Variants in ZNF652 observed in about 807,000 individuals in gnomAD.
ZNF652 encodes the protein zinc finger protein 652.
Under a neutral mutation model 45.2 loss-of-function variants are expected in ZNF652, and 16 were observed. The ratio of observed to expected loss-of-function variants is 0.35; its 90% CI spans 0.24 to 0.54. ZNF652 has a LOEUF of 0.54. Ranked by LOEUF, ZNF652 falls within the 20% of genes least tolerant of loss-of-function variation. The pLI is 0.91. For synonymous variants in ZNF652, 250 were observed against 260.6 expected, an observed-to-expected ratio of 0.96 and a Z score of 0.39; for missense variants, 614 against 765.6, an observed-to-expected ratio of 0.80 and a Z score of 2.34.
chr17:49,319,094 TAA>T (rs10551912), intron 1 of ZNF652, among the ~76,000 whole-genome samples: 2,370 of 152,250 alleles, frequency 0.016, 62 homozygotes, highest in African/African-American at 0.054. Flanking sequence ...TATTAATTTT[TAA>T]AAAGCTTAGA....
At chr17:49,358,776 T>C (rs1410547289) in intron 1 of ZNF652, among the ~76,000 whole-genome samples, 3 of 152,232 alleles carry the variant, frequency 2.0e-5, no homozygotes, top group Non-Finnish European at 4.4e-5. Flanking sequence ...AATCAGATCT[T>C]GAGACCACAG....
intron 1 of ZNF652, among the ~76,000 whole-genome samples, chr17:49,350,970 CAT>C (rs372720324): frequency 0.011 from 452 of 42,092 alleles, 1 homozygote; most frequent in Non-Finnish European, 0.015. Flanking sequence ...ACTCTGTCTA[CAT>C]ATATATATAT....
At position 49,290,004 on chromosome 17, in the gene ZNF652, T is replaced by C. The variant is rs1359175243; in HGVS notation, c.*8409A>G. On this transcript the variant is annotated 3_prime_UTR_variant, in exon 6 of 6. Coordinates refer to ENST00000430262, the MANE Select transcript of ZNF652 (RefSeq NM_001145365.3). ...AAGAAATGAGGAAAAGTGCAAGTGA[T>C]CTCAGTACTGTTGGGGAAAACAAAA... is the stretch of plus-strand genomic sequence containing the variant. 6.6e-6 allele frequency: 1 copy of C among 152,232 alleles called. No individual in the cohort carries two copies. Among genetic ancestry groups the C allele is most frequent in the Non-Finnish European group, 1.5e-5 (1 of 68,046 alleles). 9.4% of individuals were successfully genotyped at this position (152,232 alleles called of 1,614,324 possible).
intron 1 of ZNF652, among the ~76,000 whole-genome samples, chr17:49,327,765 ATATATATATATATATTTTTTTTT>A (rs1259893960): frequency 8.0e-4 from 4 of 4,988 alleles, no homozygotes; most frequent in African/African-American, 4.5e-3. Context: ...ATATATATAT[ATATATATATATATATTTTTTTTT>A]TTTTTTTTTA....
chr17:49,351,926 G>A (rs2070286941), intron 1 of ZNF652, among the ~76,000 whole-genome samples: 1 of 152,104 alleles, frequency 6.6e-6, no homozygotes, highest in Non-Finnish European at 1.5e-5. Context: ...GTTCAAGGCT[G>A]CAGTGAGTTA....
chr17:49,313,155 C>G (rs1401494296), intron 2 of ZNF652, among the ~76,000 whole-genome samples: 1 of 152,114 alleles, frequency 6.6e-6, no homozygotes, highest in African/African-American at 2.4e-5. Context: ...AAAGAAACTT[C>G]AAGTTTGTTT....
downstream of ZNF652, chr17:49,288,454 CA>C: frequency 6.6e-6 from 1 of 152,136 alleles, no homozygotes; most frequent in Admixed American, 6.6e-5. Flanking sequence ...TTAGAAGGAA[CA>C]AAATCAGGTG....
At chr17:49,334,743 C>A (rs1215812493) in intron 1 of ZNF652, among the ~76,000 whole-genome samples, 1 of 149,432 alleles carries the variant, frequency 6.7e-6, no homozygotes, top group Non-Finnish European at 1.5e-5. Context: ...CTTGCCACTG[C>A]ACTCCAGCTT....
At chr17:49,339,310 CT>C (rs36110074) in intron 1 of ZNF652, among the ~76,000 whole-genome samples, 42,500 of 109,874 alleles carry the variant, frequency 0.39, 6,791 homozygotes, top group East Asian at 0.45. Flanking sequence ...TCAAGTGATT[CT>C]TTTTTTTTTT....
At chr17:49,310,719 T>A (rs950946508) in intron 5 of ZNF652, among the ~76,000 whole-genome samples, 1 of 152,092 alleles carries the variant, frequency 6.6e-6, no homozygotes, top group Non-Finnish European at 1.5e-5. Context: ...CTGGGCAACA[T>A]GGTGAAACCC....
intron 1 of ZNF652, among the ~76,000 whole-genome samples, chr17:49,354,606 G>A (rs1196015619): frequency 7.4e-6 from 1 of 134,564 alleles, no homozygotes; most frequent in Admixed American, 7.5e-5. Flanking sequence ...GCAAGACTCC[G>A]CCTCAAAAAA....
At chr17:49,311,833 T>C in intron 4 of ZNF652, 94 bp downstream of exon 4, 3 of 1,042,406 alleles carry the variant, frequency 2.9e-6, no homozygotes, top group Non-Finnish European at 4.3e-6. Flanking sequence ...GGCAGCCTTG[T>C]GCCTCCTGCT....
intron 1 of ZNF652, among the ~76,000 whole-genome samples, chr17:49,351,044 C>CACACAA (rs1555552839): frequency 1.6e-5 from 2 of 126,104 alleles, no homozygotes; most frequent in African/African-American, 6.2e-5. Context: ...CACACACACA[C>CACACAA]ACACACACAC....
chr17:49,289,269 T>C lies in ZNF652; in HGVS notation c.*9144A>G, dbSNP rs146950635. 2.0e-5 allele frequency: 3 copies of C among 149,538 alleles called. No homozygotes were observed. The highest frequency in any genetic ancestry group is 4.4e-5 in the Non-Finnish European group (3 of 67,492). 9.3% of individuals were successfully genotyped at this position (149,538 alleles called of 1,614,324 possible). On this transcript the variant is annotated 3_prime_UTR_variant, in exon 6 of 6. Coordinates refer to ENST00000430262, the MANE Select transcript of ZNF652 (RefSeq NM_001145365.3). Reference sequence around the variant, plus strand: ...AGCATTAAGTTGGTTACCGTACACATCCAAAGGCCCAGCATCTCAGAAAAA... The same window carrying C: ...AGCATTAAGTTGGTTACCGTACACACCCAAAGGCCCAGCATCTCAGAAAAA...
chr17:49,327,767 ATATATATATATATTTTTT>A (rs1567690533), intron 1 of ZNF652, among the ~76,000 whole-genome samples: 4 of 4,896 alleles, frequency 8.2e-4, no homozygotes, highest in African/African-American at 4.7e-3. Context: ...ATATATATAT[ATATATATATATATTTTTT>A]TTTTTTTTTT....
At chr17:49,343,307 A>C (rs2070168709) in intron 1 of ZNF652, among the ~76,000 whole-genome samples, 1 of 152,256 alleles carries the variant, frequency 6.6e-6, no homozygotes, top group Non-Finnish European at 1.5e-5. Context: ...CCTGTTCAAG[A>C]CACTATCTCC....
At chr17:49,338,161 T>C (rs1231733017) in intron 1 of ZNF652, among the ~76,000 whole-genome samples, 1 of 149,364 alleles carries the variant, frequency 6.7e-6, no homozygotes, top group African/African-American at 2.5e-5. Context: ...TTTTTTTTTT[T>C]GGTAGAGACG....
At chr17:49,325,998 G>A (rs746847739) in intron 1 of ZNF652, among the ~76,000 whole-genome samples, 1 of 152,060 alleles carries the variant, frequency 6.6e-6, no homozygotes, top group Non-Finnish European at 1.5e-5. Flanking sequence ...TTACTTTAGT[G>A]CACGATTTTG....
intron 1 of ZNF652, among the ~76,000 whole-genome samples, chr17:49,320,787 A>G (rs1280564388): frequency 1.3e-5 from 2 of 152,270 alleles, no homozygotes; most frequent in Non-Finnish European, 2.9e-5. Flanking sequence ...AGTCAAAGAA[A>G]AGAATAAAGA....
Sources: allele counts gnomAD v4.1 joint callset (sites outside exome capture counted in the v4.1 genomes callset), GRCh38; gene constraint gnomAD v4.1.1; transcripts MANE v1.5; gene names NCBI Gene and HGNC (gene_info 2026-07-23, HGNC 2026-07-21).